The following WDR1 variants were observed in gnomAD, a reference collection of about 807,000 sequenced individuals.
WDR1 encodes the protein WD repeat-containing protein 1.
Under a neutral mutation model 71.9 loss-of-function variants are expected in WDR1, and 21 were observed. That is an observed-to-expected ratio of 0.29 (90% CI 0.21 to 0.42). The LOEUF is 0.42. Ranked by LOEUF, WDR1 falls within the 10% of genes least tolerant of loss-of-function variation. The pLI is 1.00. For synonymous variants in WDR1, 424 were observed against 347.4 expected (o/e 1.22, Z -2.45); for missense variants, 696 against 824.5 (o/e 0.84, Z 1.91).
intron 2 of WDR1, among the ~76,000 whole-genome samples, chr4:10,112,420 C>T (rs940269936): frequency 6.6e-6 from 1 of 152,188 alleles, no homozygotes; most frequent in Non-Finnish European, 1.5e-5. Context: ...CTCTCTCCTT[C>T]TGGAATATTA....
rs3822243 is a variant in WDR1, at chr4:10,093,258, C to G, written c.558+4453G>C. On this transcript the variant is annotated intron_variant, in intron 5 of 14. Transcript: ENST00000499869. ...GTACACAAGAGGACCACAAGCCCACCCTTAGGCTGTTCACATGCCTATGAG... is the reference window on the plus strand; with the variant it reads ...GTACACAAGAGGACCACAAGCCCACGCTTAGGCTGTTCACATGCCTATGAG... The G allele has an allele frequency of 4.8e-3, 3,568 of 737,498 alleles. 217 individuals are homozygous for G. The East Asian group carries it at 0.17, about 34-fold the overall frequency. 45.7% of individuals were successfully genotyped at this position (737,498 alleles called of 1,614,324 possible).
intron 11 of WDR1, among the ~76,000 whole-genome samples, chr4:10,081,007 G>A (rs1764993853): frequency 6.6e-6 from 1 of 152,204 alleles, no homozygotes; most frequent in African/African-American, 2.4e-5. Flanking sequence ...AGCAGGGCTG[G>A]GATGTGAACA....
chr4:10,087,599 CCT>C (rs1346334660), intron 8 of WDR1, 106 bp downstream of exon 8: 27 of 1,111,370 alleles, frequency 2.4e-5, no homozygotes, highest in Non-Finnish European at 3.4e-5. Flanking sequence ...CCTGAGGACA[CCT>C]CTCTAGCTTC....
chr4:10,115,442 C>A (rs905072113), intron 2 of WDR1, among the ~76,000 whole-genome samples: 7 of 152,204 alleles, frequency 4.6e-5, no homozygotes, highest in Non-Finnish European at 1.0e-4. Context: ...GGGCTTAGAT[C>A]CATGGTGGCA....
intron 5 of WDR1, among the ~76,000 whole-genome samples, chr4:10,090,061 T>C (rs989642523): frequency 6.6e-6 from 1 of 151,854 alleles, no homozygotes; most frequent in African/African-American, 2.4e-5. Context: ...GAGATGGGAG[T>C]TCTGCTCACA....
chr4:10,108,899 T>G (rs575475253), intron 2 of WDR1, among the ~76,000 whole-genome samples: 1 of 152,224 alleles, frequency 6.6e-6, no homozygotes, highest in East Asian at 1.9e-4. Flanking sequence ...CTTTCCACCT[T>G]GGACTACACA....
intron 5 of WDR1, 30 bp from the exon 6 acceptor site, chr4:10,088,771 G>T: frequency 2.0e-6 from 3 of 1,534,508 alleles, no homozygotes; most frequent in East Asian, 2.4e-5. Context: ...TGCCTGATGA[G>T]GGGCCGCAGG....
intron 7 of WDR1, 29 bp from the exon 8 acceptor site, chr4:10,087,969 G>T (rs1311506849): frequency 6.5e-7 from 1 of 1,533,836 alleles, no homozygotes. Flanking sequence ...TGTGTCATGT[G>T]CCAGAGGACT....
intron 2 of WDR1, 39 bp from the exon 3 acceptor site, chr4:10,104,025 G>T: frequency 6.4e-7 from 1 of 1,559,096 alleles, no homozygotes; most frequent in Non-Finnish European, 8.7e-7. Context: ...AAGGAATGGA[G>T]AAGCAGTCAA....
chr4:10,115,880 T>C, intron 2 of WDR1: 2 of 554,792 alleles, frequency 3.6e-6, no homozygotes, highest in South Asian at 4.3e-5. Context: ...GCTATGACCG[T>C]AGACAGAAAC....
At chr4:10,110,582 T>C (rs142345477) in intron 2 of WDR1, among the ~76,000 whole-genome samples, 2 of 152,056 alleles carry the variant, frequency 1.3e-5, no homozygotes, top group African/African-American at 4.8e-5. Flanking sequence ...GGAGAACTCT[T>C]ATTCATCCTT....
intron 2 of WDR1, among the ~76,000 whole-genome samples, chr4:10,112,379 C>T (rs191724717): frequency 5.3e-5 from 8 of 152,308 alleles, no homozygotes; most frequent in Admixed American, 5.2e-4. Context: ...ACACAGTGTA[C>T]ATATGGTTCA....
intron 1 of WDR1, 158 bp downstream of exon 1, chr4:10,116,493 C>G (rs1337261104): frequency 9.2e-6 from 6 of 652,686 alleles, no homozygotes; most frequent in Admixed American, 5.5e-5. Flanking sequence ...GGGTCCCGCC[C>G]TGCACCACCG....
chr4:10,103,497 A>G (rs1419020921), intron 3 of WDR1, among the ~76,000 whole-genome samples: 2 of 152,176 alleles, frequency 1.3e-5, no homozygotes, highest in Non-Finnish European at 2.9e-5. Flanking sequence ...GCATTTTGGT[A>G]GCTTACACCA....
At chr4:10,078,813 T>G in intron 12 of WDR1, 78 bp downstream of exon 12, 1 of 1,255,630 alleles carries the variant, frequency 8.0e-7, no homozygotes, top group Non-Finnish European at 1.1e-6. Context: ...ACAGCCCCGG[T>G]ACTCACACAG....
intron 2 of WDR1, 99 bp from the exon 3 acceptor site, chr4:10,104,085 G>GA (rs779913536): frequency 9.1e-5 from 114 of 1,251,488 alleles, no homozygotes; most frequent in Non-Finnish European, 1.2e-4. Context: ...GGTGTACAAA[G>GA]AAACACTGAA....
At chr4:10,101,236 C>T (rs926200837) in intron 3 of WDR1, among the ~76,000 whole-genome samples, 5 of 152,334 alleles carry the variant, frequency 3.3e-5, no homozygotes, top group South Asian at 2.1e-4. Flanking sequence ...CCCAGAGTGC[C>T]GGAGGCTCCC....
chr4:10,101,013 G>A (rs573931405), intron 3 of WDR1, among the ~76,000 whole-genome samples: 1 of 152,372 alleles, frequency 6.6e-6, no homozygotes, highest in East Asian at 1.9e-4. Context: ...TGAAAGAGGC[G>A]CCTTCCTCCA....
At chr4:10,100,704 C>G (rs1314886824) in intron 3 of WDR1, among the ~76,000 whole-genome samples, 3 of 152,178 alleles carry the variant, frequency 2.0e-5, no homozygotes, top group East Asian at 3.9e-4. Flanking sequence ...GCTACCTGAG[C>G]TGAGTTCCAA....
Sources: allele counts gnomAD v4.1 joint callset (sites outside exome capture counted in the v4.1 genomes callset), GRCh38; gene constraint gnomAD v4.1.1; transcripts MANE v1.5; gene names NCBI Gene and HGNC (gene_info 2026-07-23, HGNC 2026-07-21).